SGK3: variants seen among roughly 807,000 people sequenced by gnomAD.
SGK3 encodes the protein serum/glucocorticoid regulated kinase family member 3, also known as serine/threonine-protein kinase Sgk3.
Under a neutral mutation model 68.5 loss-of-function variants are expected in SGK3, and 47 were observed. The ratio of observed to expected loss-of-function variants is 0.69; its 90% confidence interval spans 0.54 to 0.87. SGK3 has a LOEUF of 0.87. SGK3 is among the 40% of genes least tolerant of loss of function. The probability of loss-of-function intolerance (pLI) is 0.00; values close to 1 mark genes in which losing one functional copy is unlikely to be tolerated. For missense variants in SGK3, 479 were observed against 575.5 expected (o/e 0.83, Z 1.72); for synonymous variants, 181 against 189.1 (o/e 0.96, Z 0.35).
chr8:66,744,500 TA>T (rs1805574585), intron 1 of SGK3, among the ~76,000 whole-genome samples: 3 of 26,118 alleles, frequency 1.1e-4, no homozygotes, highest in African/African-American at 2.8e-4. Context: ...TATATATATA[TA>T]TATATATATA....
At position 66,776,086 on chromosome 8, in the gene SGK3, A is replaced by T. The variant is rs117861823; in HGVS notation, c.-121-17530A>T. On this transcript the variant is annotated intron_variant, in intron 1 of 16. Transcript: ENST00000521198. ...TCTCAAGAATTGTCATCACCGGAAA[A>T]CCTACGTATATTCTTTCCTCAGAGC... Among the ~76,000 whole-genome samples the T allele has an allele frequency of 1.5e-3, 233 of 152,252 alleles. 1 individual carries two copies. The highest frequency in any genetic ancestry group is 0.013 in the East Asian group (69 of 5,182).
chr8:66,804,123 G>A (rs1004569515), intron 3 of SGK3, among the ~76,000 whole-genome samples: 1 of 152,090 alleles, frequency 6.6e-6, no homozygotes, highest in African/African-American at 2.4e-5. Context: ...TTATAGGCAG[G>A]AAAATGAGAC....
intron 1 of SGK3, among the ~76,000 whole-genome samples, chr8:66,756,562 G>C (rs966191707): frequency 2.1e-5 from 3 of 144,064 alleles, no homozygotes; most frequent in African/African-American, 7.7e-5. Context: ...ATTGAGGCAT[G>C]CATCTACTTT....
chr8:66,847,463 C>A, intron 15 of SGK3, 115 bp downstream of exon 15: 1 of 1,441,958 alleles, frequency 6.9e-7, no homozygotes, highest in Admixed American at 2.7e-5. Context: ...AGAATAGCAA[C>A]ATGGAAAAAA....
chr8:66,855,681 A>C (rs1198270680), intron 16 of SGK3, among the ~76,000 whole-genome samples: 4 of 152,238 alleles, frequency 2.6e-5, no homozygotes, highest in African/African-American at 9.6e-5. Flanking sequence ...AAACATAGAC[A>C]AAAGACAGAA....
intron 1 of SGK3, among the ~76,000 whole-genome samples, chr8:66,727,647 G>A (rs1029605691): frequency 6.6e-6 from 1 of 152,162 alleles, no homozygotes; most frequent in African/African-American, 2.4e-5. Flanking sequence ...CTTGCTTTCT[G>A]CCGTATGAGG....
At chr8:66,838,849 T>G (rs1457101540) in intron 10 of SGK3, among the ~76,000 whole-genome samples, 2 of 152,168 alleles carry the variant, frequency 1.3e-5, no homozygotes, top group African/African-American at 4.8e-5. Context: ...ACTTAAAAAT[T>G]TTAACTTTGA....
chr8:66,713,066 T>C (rs1804536050), intron 1 of SGK3, among the ~76,000 whole-genome samples: 1 of 152,228 alleles, frequency 6.6e-6, no homozygotes, highest in African/African-American at 2.4e-5. Context: ...CGTCGGTGGC[T>C]GGACCTTGTT....
At chr8:66,806,136 T>C (rs1256122117) in intron 4 of SGK3, among the ~76,000 whole-genome samples, 1 of 152,204 alleles carries the variant, frequency 6.6e-6, no homozygotes, top group Non-Finnish European at 1.5e-5. Context: ...AACCTCTGGT[T>C]TGGAGAATGT....
intron 7 of SGK3, 57 bp downstream of exon 7, chr8:66,828,760 G>C: frequency 1.3e-6 from 2 of 1,588,198 alleles, no homozygotes; most frequent in Non-Finnish European, 1.7e-6. Flanking sequence ...GATCTTTTTT[G>C]AGCGTATGCA....
chr8:66,763,945 C>T (rs1806244289), intron 1 of SGK3, among the ~76,000 whole-genome samples: 1 of 152,242 alleles, frequency 6.6e-6, no homozygotes, highest in Non-Finnish European at 1.5e-5. Flanking sequence ...TCTTAGCTCA[C>T]TGCGGCCTCA....
At chr8:66,720,781 T>TTATATA (rs758419858) in intron 1 of SGK3, among the ~76,000 whole-genome samples, 1 of 146,246 alleles carries the variant, frequency 6.8e-6, no homozygotes, top group Admixed American at 6.7e-5. Context: ...AAAAAAAAAA[T>TTATATA]TATATATATA....
chr8:66,724,955 G>A (rs1014722023), intron 1 of SGK3, among the ~76,000 whole-genome samples: 6 of 152,134 alleles, frequency 3.9e-5, no homozygotes, highest in Non-Finnish European at 8.8e-5. Flanking sequence ...GGCTGGGCAC[G>A]GTGGCTCACA....
chr8:66,722,566 C>A (rs927337027), intron 1 of SGK3, among the ~76,000 whole-genome samples: 9 of 152,206 alleles, frequency 5.9e-5, no homozygotes, highest in African/African-American at 2.2e-4. Flanking sequence ...GCCGCCGTGC[C>A]CAGCCTCTGC....
At chr8:66,728,643 G>A (rs570188410) in intron 1 of SGK3, among the ~76,000 whole-genome samples, 115 of 152,194 alleles carry the variant, frequency 7.6e-4, no homozygotes, top group African/African-American at 2.7e-3. Context: ...TTATATTGGT[G>A]AAAAATATCC....
chr8:66,831,752 ACC>A (rs1193310561), intron 8 of SGK3, among the ~76,000 whole-genome samples: 1 of 152,134 alleles, frequency 6.6e-6, no homozygotes, highest in Non-Finnish European at 1.5e-5. Flanking sequence ...TACTTTCCCC[ACC>A]CTCAAAATAC....
chr8:66,728,803 C>A (rs1805052922), intron 1 of SGK3, among the ~76,000 whole-genome samples: 1 of 151,916 alleles, frequency 6.6e-6, no homozygotes, highest in African/African-American at 2.4e-5. Context: ...ACCTATAGTC[C>A]TAGCTACTCA....
At chr8:66,839,843 A>G in intron 10 of SGK3, 160 bp from the exon 11 acceptor site, 1 of 613,324 alleles carries the variant, frequency 1.6e-6, no homozygotes, top group Non-Finnish European at 2.8e-6. Flanking sequence ...ACATGGATGA[A>G]GGGGAGTCAC....
intron 12 of SGK3, 114 bp downstream of exon 12, chr8:66,840,361 T>A: frequency 9.3e-7 from 1 of 1,069,914 alleles, no homozygotes; most frequent in Admixed American, 2.8e-5. Context: ...TATATAACAT[T>A]CTCAAAATGA....
Sources: allele counts gnomAD v4.1 joint callset (sites outside exome capture counted in the v4.1 genomes callset), GRCh38; gene constraint gnomAD v4.1.1; transcripts MANE v1.5; gene names NCBI Gene and HGNC (gene_info 2026-07-23, HGNC 2026-07-21).